CMC1: variants seen among roughly 807,000 people sequenced by gnomAD.
CMC1 encodes COX assembly mitochondrial protein homolog.
A neutral mutation model predicts 14.1 loss-of-function variants in CMC1; 14 were observed. The observed-to-expected ratio is 0.99, with a 90% CI of 0.66 to 1.55. The LOEUF (loss-of-function observed/expected upper bound fraction) is 1.55. Ranked by LOEUF, CMC1 falls within the 40% of genes most tolerant of loss-of-function variation. The pLI is 0.00. For synonymous variants in CMC1, 50 were observed against 38.4 expected (o/e 1.30, Z -1.12); for missense variants, 127 against 123.8 (o/e 1.03, Z -0.12).
intron 2 of CMC1, among the ~76,000 whole-genome samples, chr3:28,297,448 C>T (rs1040885289): frequency 2.6e-5 from 4 of 152,058 alleles, no homozygotes; most frequent in Admixed American, 2.0e-4. Context: ...TTTAATTCCT[C>T]TGTCCTAGGT....
At chr3:28,276,936 T>C (rs1700617752) in intron 2 of CMC1, among the ~76,000 whole-genome samples, 1 of 152,214 alleles carries the variant, frequency 6.6e-6, no homozygotes, top group African/African-American at 2.4e-5. Flanking sequence ...AGTTTTATTG[T>C]ATTGTGCTTC....
intron 2 of CMC1, among the ~76,000 whole-genome samples, chr3:28,276,097 T>G (rs1006212410): frequency 6.6e-6 from 1 of 152,016 alleles, no homozygotes; most frequent in Non-Finnish European, 1.5e-5. Context: ...AACTCAGTAG[T>G]CTTAGGCAGT....
At chr3:28,272,935 T>G (rs2125492191) in intron 2 of CMC1, among the ~76,000 whole-genome samples, 1 of 152,282 alleles carries the variant, frequency 6.6e-6, no homozygotes, top group South Asian at 2.1e-4. Context: ...TCTGCCCACC[T>G]TGGCCTCCCA....
chr3:28,243,230 A>AT (rs1698627557), intron 1 of CMC1, among the ~76,000 whole-genome samples: 1 of 151,784 alleles, frequency 6.6e-6, no homozygotes, highest in South Asian at 2.1e-4. Context: ...TAATTTTTGT[A>AT]TTTTTAGTAG....
At chr3:28,255,592 A>C (rs1178655478) in intron 1 of CMC1, among the ~76,000 whole-genome samples, 5 of 152,030 alleles carry the variant, frequency 3.3e-5, no homozygotes, top group Non-Finnish European at 7.4e-5. Flanking sequence ...AGAATGTGTA[A>C]ATAAATGATA....
chr3:28,244,559 C>T (rs1698707255), intron 1 of CMC1, among the ~76,000 whole-genome samples: 1 of 152,114 alleles, frequency 6.6e-6, no homozygotes, highest in Non-Finnish European at 1.5e-5. Context: ...GAAAATCCAT[C>T]TCTACTAAAA....
chr3:28,244,058 A>C (rs927704854), intron 1 of CMC1, among the ~76,000 whole-genome samples: 10 of 152,204 alleles, frequency 6.6e-5, no homozygotes, highest in Non-Finnish European at 1.3e-4. Flanking sequence ...GAGGGGATCC[A>C]TAAGGAAAGA....
At chr3:28,265,071 A>G (rs923112227) in intron 2 of CMC1, among the ~76,000 whole-genome samples, 4 of 152,136 alleles carry the variant, frequency 2.6e-5, no homozygotes, top group Non-Finnish European at 4.4e-5. Context: ...TTTTCACTTC[A>G]TCAAAAGTTA....
In CMC1 at chr3:28,290,531, C is replaced by T. The variant is rs560473951; in HGVS notation, c.110-25802C>T. On this transcript the variant is annotated intron_variant, in intron 2 of 3. Transcript: ENST00000466830. Reference sequence around the variant, plus strand: ...CTTGCAATCATCCTACCATAGGTGACGTGATTTTTCTGGTTGGATCCTAGA... The same window carrying T: ...CTTGCAATCATCCTACCATAGGTGATGTGATTTTTCTGGTTGGATCCTAGA... Among the ~76,000 whole-genome samples, 7 of 152,116 alleles carry T rather than the reference C, an allele frequency of 4.6e-5. No homozygotes were observed. In the East Asian group the frequency reaches 5.8e-4, roughly 13 times the overall value.
chr3:28,271,848 C>A (rs1001184416), intron 2 of CMC1, among the ~76,000 whole-genome samples: 6 of 152,150 alleles, frequency 3.9e-5, no homozygotes, highest in African/African-American at 1.4e-4. Flanking sequence ...ATTGATTCTT[C>A]CTATCCATGA....
At chr3:28,263,972 T>C (rs1699864899) in intron 2 of CMC1, among the ~76,000 whole-genome samples, 1 of 152,158 alleles carries the variant, frequency 6.6e-6, no homozygotes, top group Non-Finnish European at 1.5e-5. Flanking sequence ...TCTAGAGACA[T>C]CAGTGATTAA....
At chr3:28,287,037 A>G (rs1701221565) in intron 2 of CMC1, among the ~76,000 whole-genome samples, 1 of 152,176 alleles carries the variant, frequency 6.6e-6, no homozygotes, top group African/African-American at 2.4e-5. Flanking sequence ...TGCTGGAATA[A>G]TCCAACCGTC....
intron 2 of CMC1, among the ~76,000 whole-genome samples, chr3:28,307,376 A>G (rs1166155833): frequency 6.6e-6 from 1 of 152,198 alleles, no homozygotes; most frequent in East Asian, 1.9e-4. Context: ...ATAAATAAAA[A>G]AAATTAGCTA....
rs115206491 is a variant in CMC1 at position 28,245,645 on chromosome 3, T to C, written c.19+3833T>C. On this transcript the variant is annotated intron_variant, in intron 1 of 3. Coordinates refer to ENST00000466830, the MANE Select transcript of CMC1 (RefSeq NM_182523.2). The stretch of plus-strand genomic sequence containing the variant: ...AGGAAGATGGGACAGAGATAGGGCT[T>C]AGGGGGTGGAAAGTGGGTTCAAGAA... Among the ~76,000 whole-genome samples, 1,470 of 152,204 alleles carry C rather than the reference T, an allele frequency of 9.7e-3. 22 individuals carry two copies. The highest frequency in any genetic ancestry group is 0.033 in the African/African-American group (1,381 of 41,516).
At chr3:28,258,806 G>A (rs1191618907) in intron 1 of CMC1, among the ~76,000 whole-genome samples, 1 of 151,398 alleles carries the variant, frequency 6.6e-6, no homozygotes, top group East Asian at 1.9e-4. Context: ...TTTTTTTTTA[G>A]TAGAGACAGG....
rs955175629 is a variant in CMC1 at position 28,319,710 on chromosome 3, T to C, written c.*81T>C. The C allele has an allele frequency of 5.5e-6, 6 of 1,099,732 alleles. No homozygotes were observed. Among genetic ancestry groups the C allele is most frequent in the Non-Finnish European group, 7.7e-6 (6 of 780,452 alleles). 68.1% of individuals were successfully genotyped at this position (1,099,732 alleles called of 1,614,324 possible). On this transcript the variant is annotated 3_prime_UTR_variant, in exon 4 of 4. Transcript: ENST00000466830. Reference sequence around the variant, plus strand: ...TCCTTAAATAATGGACTCAAGCATATATGTTTGCTTTACCTTAATTATGGA... The same window carrying C: ...TCCTTAAATAATGGACTCAAGCATACATGTTTGCTTTACCTTAATTATGGA...
At chr3:28,313,447 T>A (rs1035664662) in intron 2 of CMC1, among the ~76,000 whole-genome samples, 1 of 152,210 alleles carries the variant, frequency 6.6e-6, no homozygotes, top group Admixed American at 6.5e-5. Flanking sequence ...ATACAAGCTC[T>A]TTAACATTTA....
intron 2 of CMC1, among the ~76,000 whole-genome samples, chr3:28,271,761 A>T (rs781266705): frequency 8.3e-4 from 126 of 152,132 alleles, no homozygotes; most frequent in Admixed American, 5.9e-4. Context: ...ATTCTAGTGG[A>T]TGCTTGACAA....
Position 28,260,308 on chromosome 3 carries a change from G to A in CMC1, c.20-2983G>A, listed in dbSNP as rs544566165. Among the ~76,000 whole-genome samples the A allele has an allele frequency of 1.4e-4, 22 of 152,028 alleles. No homozygotes were observed. In the South Asian group the frequency reaches 4.2e-3, roughly 29 times the overall value. On this transcript the variant is annotated intron_variant, in intron 1 of 3. Coordinates refer to ENST00000466830, the MANE Select transcript of CMC1 (RefSeq NM_182523.2). ...TGTGTGTATGTGTTTTGTAAATACC[G>A]TTCTTGCTTTTAGTATCAAGGTATC...
Sources: allele counts gnomAD v4.1 joint callset (sites outside exome capture counted in the v4.1 genomes callset), GRCh38; gene constraint gnomAD v4.1.1; transcripts MANE v1.5; gene names NCBI Gene and HGNC (gene_info 2026-07-23, HGNC 2026-07-21).